The following MINK1 variants were observed in gnomAD, a reference collection of about 807,000 sequenced individuals.
The protein encoded by MINK1 is misshapen-like kinase 1.
A neutral mutation model predicts 178.4 loss-of-function variants in MINK1; 46 were observed. The ratio of observed to expected loss-of-function variants is 0.26; its 90% CI spans 0.20 to 0.33. The LOEUF is 0.33. Among genes scored for constraint, MINK1 ranks in the 10% least tolerant of loss-of-function variants. The probability of loss-of-function intolerance (pLI) is 1.00; values close to 1 mark genes in which losing one functional copy is unlikely to be tolerated. For missense variants in MINK1, 1,366 were observed against 1,814.9 expected, an observed-to-expected ratio of 0.75 and a Z score of 4.49; for synonymous variants, 797 against 709.7, an observed-to-expected ratio of 1.12 and a Z score of -1.96.
intron 1 of MINK1, chr17:4,847,317 C>A: frequency 2.3e-6 from 1 of 442,684 alleles, no homozygotes. Context: ...CAGCTCACTG[C>A]ATCCTCTGCC....
intron 4 of MINK1, among the ~76,000 whole-genome samples, chr17:4,882,092 A>G (rs1567601645): frequency 6.6e-6 from 1 of 152,250 alleles, no homozygotes; most frequent in East Asian, 1.9e-4. Flanking sequence ...GAAAGGGAGA[A>G]AGGTGACAGG....
At position 4,894,654 on chromosome 17, in the gene MINK1, C is replaced by A; in HGVS notation, c.2917+21C>A. 1 of 1,569,982 alleles carries A rather than the reference C, an allele frequency of 6.4e-7. No individual in the cohort carries two copies. Among genetic ancestry groups the A allele is most frequent in the East Asian group, 2.3e-5 (1 of 43,446 alleles). ...CACAGGTGAGGACAGGAGGACAGAC[C>A]TGCTGTGAGGCCAGGGTCCAGGGGC... On this transcript the variant is annotated intron_variant, in intron 24 of 31. Transcript: ENST00000355280. This position sits in a 1 kb window ranked among gnomAD's most constrained non-coding sequence, Gnocchi z 4.1.
At chr17:4,878,420 G>T in intron 2 of MINK1, 38 bp downstream of exon 2, 3 of 1,514,168 alleles carry the variant, frequency 2.0e-6, no homozygotes, top group Non-Finnish European at 2.7e-6. Flanking sequence ...CTCCACATCT[G>T]CAGGGCAGTC....
intron 13 of MINK1, chr17:4,890,122 T>C: frequency 2.2e-6 from 1 of 462,172 alleles, no homozygotes; most frequent in Non-Finnish European, 3.6e-6. Flanking sequence ...CTCATTCTCC[T>C]GCGGATCCCT....
Position 4,885,863 on chromosome 17 carries a change from G to T in MINK1, c.640-48G>T. Reference sequence around the variant, plus strand: ...GATGGTGGGTGAAGAGAGGTTGCAGGGCAGAGTTGTCAGGAATATTCACTT... The same window carrying T: ...GATGGTGGGTGAAGAGAGGTTGCAGTGCAGAGTTGTCAGGAATATTCACTT... On this transcript the variant is annotated intron_variant, in intron 7 of 31. Transcript: ENST00000355280. This position sits in a 1 kb window ranked among gnomAD's most constrained non-coding sequence, Gnocchi z 5.0. 1 of 1,601,488 alleles carries T rather than the reference G, an allele frequency of 6.2e-7. No individual in the cohort carries two copies. Among genetic ancestry groups the T allele is most frequent in the Non-Finnish European group, 8.5e-7 (1 of 1,170,100 alleles).
chr17:4,837,659 G>T (rs1432710597), intron 1 of MINK1, among the ~76,000 whole-genome samples: 2 of 152,232 alleles, frequency 1.3e-5, no homozygotes, highest in Non-Finnish European at 2.9e-5. Context: ...GGGACAAGGA[G>T]GGGGCAGGCC....
rs368124112 is a variant in MINK1, at chr17:4,862,210, G to A, written c.58-16107G>A. Among the ~76,000 whole-genome samples, 14 of 152,180 alleles carry A rather than the reference G, an allele frequency of 9.2e-5. 1 individual carries two copies. Among genetic ancestry groups the A allele is most frequent in the East Asian group, 7.7e-4 (4 of 5,202 alleles). On this transcript the variant is annotated intron_variant, in intron 1 of 31. Transcript: ENST00000355280. ...AAAGGGAGAGATGCAGCAGAGACTC[G>A]AGCCGGCTACATGCATTCAAACCCT...
In MINK1 at chr17:4,869,477, A is replaced by G. The variant is rs983821883; in HGVS notation, c.58-8840A>G. 2.0e-5 allele frequency among the ~76,000 whole-genome samples: 3 copies of G among 149,926 alleles called. No homozygotes were observed. The South Asian group carries it at 6.3e-4, about 31-fold the overall frequency. On this transcript the variant is annotated intron_variant, in intron 1 of 31. Coordinates refer to ENST00000355280, the MANE Select transcript of MINK1 (RefSeq NM_153827.5). ...TTTTATAGAGACACGGGGTCTCGCC[A>G]TGTTGCTCAGGATGGTCTCTAACTC...
intron 1 of MINK1, among the ~76,000 whole-genome samples, chr17:4,873,203 G>C (rs1597481828): frequency 6.6e-6 from 1 of 152,194 alleles, no homozygotes; most frequent in African/African-American, 2.4e-5. Context: ...TAGATATCTT[G>C]TTTGTATCTC....
chr17:4,890,337 A>C, intron 13 of MINK1, 180 bp from the exon 14 acceptor site: 1 of 1,428,586 alleles, frequency 7.0e-7, no homozygotes. Context: ...TCCTCTGGGA[A>C]GATGCTTTTC....
At position 4,864,411 on chromosome 17, in the gene MINK1, ATAAT is replaced by A. The variant is rs947823918; in HGVS notation, c.58-13894_58-13891del. Among the ~76,000 whole-genome samples the A allele has an allele frequency of 8.9e-5, 13 of 145,520 alleles. 1 individual carries two copies. Among genetic ancestry groups the A allele is most frequent in the African/African-American group, 3.1e-4 (12 of 39,034 alleles). ...CAAAACTCTGTCTCAAAAAGAATAAATAATTAATTAATTAAATAAAGGGCTATGG... is the reference window on the plus strand; with the variant it reads ...CAAAACTCTGTCTCAAAAAGAATAAATAATTAATTAAATAAAGGGCTATGG... On this transcript the variant is annotated intron_variant, in intron 1 of 31. Transcript: ENST00000355280.
At position 4,886,262 on chromosome 17, in the gene MINK1, A is replaced by C; in HGVS notation, c.773+64A>C. The C allele has an allele frequency of 6.4e-7, 1 of 1,572,036 alleles. No homozygotes were observed. The highest frequency in any genetic ancestry group is 8.8e-7 in the Non-Finnish European group (1 of 1,141,968). ...CCTGGACAAGGCCATCCCCACCTTC[A>C]TGCCCTCTGTGCTCAGGCTTGGATC... On this transcript the variant is annotated intron_variant, in intron 9 of 31. Transcript: ENST00000355280. This position sits in a 1 kb window ranked among gnomAD's most constrained non-coding sequence, Gnocchi z 6.1.
Position 4,842,379 on chromosome 17 carries a change from G to A in MINK1, c.57+8739G>A, listed in dbSNP as rs368126993. On this transcript the variant is annotated intron_variant, in intron 1 of 31. Coordinates refer to ENST00000355280, the MANE Select transcript of MINK1 (RefSeq NM_153827.5). ...CTCTCATGAACTTGTTATGGACATGGGAGAGACCCGGGGAGGGACTGGACA... is the reference window on the plus strand; with the variant it reads ...CTCTCATGAACTTGTTATGGACATGAGAGAGACCCGGGGAGGGACTGGACA... 3.4e-4 allele frequency among the ~76,000 whole-genome samples: 52 copies of A among 152,246 alleles called. No individual in the cohort carries two copies. In the East Asian group the frequency reaches 8.7e-3, roughly 25 times the overall value.
rs202023475 is a variant in MINK1, at chr17:4,895,057, T to A, written c.2918-18T>A. 5.6e-6 allele frequency: 9 copies of A among 1,611,782 alleles called. No individual in the cohort carries two copies. The highest frequency in any genetic ancestry group is 1.7e-5 in the Admixed American group (1 of 59,910). On this transcript the variant is annotated intron_variant, in intron 24 of 31. Transcript: ENST00000355280. This position sits in a 1 kb window ranked among gnomAD's most constrained non-coding sequence, Gnocchi z 4.3. Reference sequence around the variant, plus strand: ...AGAAGCTGCAGCCCCTCCTCCCACCTCCTCCTCCTTCTGGCAGCCCTAGTG... The same window carrying A: ...AGAAGCTGCAGCCCCTCCTCCCACCACCTCCTCCTTCTGGCAGCCCTAGTG...
At position 4,894,174 on chromosome 17, in the gene MINK1, A is replaced by T; in HGVS notation, c.2671A>T (p.Thr891Ser). The T allele has an allele frequency of 6.2e-7, 1 of 1,613,256 alleles. No homozygotes were observed. Among genetic ancestry groups the T allele is most frequent in the Admixed American group, 1.7e-5 (1 of 59,978 alleles). ...GCCAACCCTGCCCTCTGTCCTGTAGACCCCTGAAGAGGAGCGGAACCTGCT... is the reference window on the plus strand; with the variant it reads ...GCCAACCCTGCCCTCTGTCCTGTAGTCCCCTGAAGAGGAGCGGAACCTGCT... ...YGGGTMVVQR[T>S]PEEERNLLHA... The change falls in exon 23 of 32, where the codon ACC becomes TCC. Residue 891 changes from threonine (T) to serine (S), a missense_variant and splice_region_variant. Around this residue, in one of 14 missense-constraint regions of MINK1, gnomAD observed 709 missense variants for 692.3 expected, o/e 1.02. Transcript: ENST00000355280. The surrounding 1 kb of genome is among the most constrained non-coding windows in gnomAD (Gnocchi z 4.1).
Position 4,892,214 on chromosome 17 carries a change from A to G in MINK1, c.2067A>G (p.Pro689=). ...CCAGTGGGGCCGGAGGGTCCCGGCC[A>G]GCCCAGGCAGTCCGTGCCAGGTAAT... The part of the protein sequence containing the change: ...LNTSGAGGSR[P]AQAVRARPRS... The change falls in exon 17 of 32, where the codon CCA becomes CCG. Residue 689 remains proline (P), a synonymous_variant. Transcript: ENST00000355280. 6.3e-7 allele frequency: 1 copy of G among 1,592,790 alleles called. No individual in the cohort carries two copies. Among genetic ancestry groups the G allele is most frequent in the East Asian group, 2.3e-5 (1 of 43,604 alleles).
chr17:4,888,568 G>A (rs1487572362), intron 12 of MINK1, among the ~76,000 whole-genome samples: 1 of 151,862 alleles, frequency 6.6e-6, no homozygotes, highest in Non-Finnish European at 1.5e-5. Flanking sequence ...AACCTGGGAG[G>A]TGGAAGTTGT....
At chr17:4,879,996 TCTC>T (rs1228152898) in intron 2 of MINK1, among the ~76,000 whole-genome samples, 1 of 152,112 alleles carries the variant, frequency 6.6e-6, no homozygotes, top group Admixed American at 6.6e-5. Flanking sequence ...CTAGCCTCCT[TCTC>T]CTACTGCCTC....
At chr17:4,849,936 C>T (rs1450959046) in intron 1 of MINK1, among the ~76,000 whole-genome samples, 1 of 152,068 alleles carries the variant, frequency 6.6e-6, no homozygotes, top group East Asian at 1.9e-4. Context: ...TCTTGACCTC[C>T]CTTTAATCTT....
Sources: gnomAD v4.1 joint callset for allele counts (sites outside exome capture counted in the v4.1 genomes callset) on GRCh38, gnomAD v4.1.1 for gene constraint, gnomAD v4.1.1 regional missense constraint, Gnocchi (gnomAD v3.1) non-coding constraint, MANE v1.5 for transcripts, NCBI Gene and HGNC (gene_info 2026-07-23, HGNC 2026-07-21) for gene names.